The following OCA2 variants were observed in gnomAD, a reference collection of about 807,000 sequenced individuals.
The protein encoded by OCA2 is OCA2 melanosomal transmembrane protein.
OCA2 carries 77 observed loss-of-function variants against 100.2 expected under a neutral mutation model. That is an observed-to-expected ratio of 0.77 (90% confidence interval 0.64 to 0.93). The LOEUF is 0.93. Ranked by LOEUF, OCA2 falls within the 40% of genes least tolerant of loss-of-function variation. The pLI is 0.00. For missense variants in OCA2, 1,062 were observed against 1,089.1 expected, an observed-to-expected ratio of 0.98 and a Z score of 0.35; for synonymous variants, 432 against 439.2, an observed-to-expected ratio of 0.98 and a Z score of 0.21.
the OCA2 span, among the ~76,000 whole-genome samples, chr15:27,733,959 A>C: frequency 6.6e-6 from 1 of 151,940 alleles, no homozygotes; most frequent in Non-Finnish European, 1.5e-5. Flanking sequence ...CAGGAGTTCA[A>C]GACCAGCCTG....
chr15:27,789,977 G>C (rs1382654780), intron 23 of OCA2, among the ~76,000 whole-genome samples: 1 of 152,064 alleles, frequency 6.6e-6, no homozygotes, highest in East Asian at 1.9e-4. Flanking sequence ...CTTTGTCTGA[G>C]AACTATACTA....
chr15:28,097,355 C>T (rs190256195), intron 1 of OCA2, among the ~76,000 whole-genome samples: 56 of 152,362 alleles, frequency 3.7e-4, no homozygotes, highest in African/African-American at 1.2e-3. Flanking sequence ...CAACAACCAG[C>T]GAGTGAGCTG....
At chr15:27,807,773 T>C (rs2033916954) in intron 23 of OCA2, among the ~76,000 whole-genome samples, 2 of 152,206 alleles carry the variant, frequency 1.3e-5, no homozygotes, top group Admixed American at 1.3e-4. Context: ...TCCAACTTAC[T>C]GAAAAGCTCT....
chr15:27,729,234 T>A, the OCA2 span, among the ~76,000 whole-genome samples: 3 of 152,082 alleles, frequency 2.0e-5, no homozygotes, highest in Non-Finnish European at 2.9e-5. Context: ...CCTAGGTTTG[T>A]CTATTGTATC....
the OCA2 span, among the ~76,000 whole-genome samples, chr15:27,727,608 A>C: frequency 6.6e-6 from 1 of 152,222 alleles, no homozygotes; most frequent in South Asian, 2.1e-4. Flanking sequence ...CTTCCCAAAA[A>C]TACTCAGAAG....
At chr15:28,028,399 A>G (rs1225729705) in intron 3 of OCA2, among the ~76,000 whole-genome samples, 1 of 151,978 alleles carries the variant, frequency 6.6e-6, no homozygotes, top group East Asian at 1.9e-4. Flanking sequence ...CACTGCATGC[A>G]CTCCAGTAGT....
At chr15:27,868,081 C>T (rs1030730806) in intron 21 of OCA2, among the ~76,000 whole-genome samples, 21 of 152,070 alleles carry the variant, frequency 1.4e-4, no homozygotes, top group Non-Finnish European at 2.8e-4. Flanking sequence ...ACGGAGTGAC[C>T]GAAGCAGCCG....
intron 19 of OCA2, among the ~76,000 whole-genome samples, chr15:27,910,153 C>T (rs2038331914): frequency 6.6e-6 from 1 of 152,078 alleles, no homozygotes; most frequent in Non-Finnish European, 1.5e-5. Context: ...GAAAACAGCA[C>T]TGAGATACTA....
At chr15:27,947,682 C>T (rs1420454849) in intron 18 of OCA2, among the ~76,000 whole-genome samples, 2 of 152,210 alleles carry the variant, frequency 1.3e-5, no homozygotes, top group East Asian at 3.9e-4. Context: ...ACCAATGGGC[C>T]ATGCGCACCA....
At chr15:27,881,998 G>A (rs146578534) in intron 19 of OCA2, among the ~76,000 whole-genome samples, 1 of 152,284 alleles carries the variant, frequency 6.6e-6, no homozygotes, top group East Asian at 1.9e-4. Flanking sequence ...GCTTTCTGAT[G>A]TGGGCATTTG....
intron 23 of OCA2, among the ~76,000 whole-genome samples, chr15:27,816,531 G>A (rs1280677828): frequency 3.9e-5 from 6 of 152,136 alleles, no homozygotes; most frequent in African/African-American, 4.8e-5. Context: ...CCAGCTCCCC[G>A]ACAGTGAAGA....
At chr15:27,741,152 T>A in the OCA2 span, among the ~76,000 whole-genome samples, 2 of 152,160 alleles carry the variant, frequency 1.3e-5, no homozygotes, top group African/African-American at 4.8e-5. Context: ...TGTCTCTGTC[T>A]TAGATCATGA....
intron 23 of OCA2, among the ~76,000 whole-genome samples, chr15:27,761,440 G>A (rs1168884818): frequency 6.6e-6 from 1 of 150,522 alleles, no homozygotes; most frequent in African/African-American, 2.4e-5. Flanking sequence ...TCTGTGTGCT[G>A]TAAGTTACAA....
In OCA2 at chr15:27,755,235, T is replaced by G. The variant is rs1020315849; in HGVS notation, c.*153A>C. The G allele has an allele frequency of 8.9e-6, 6 of 672,910 alleles. No individual in the cohort carries two copies. In the African/African-American group the frequency reaches 1.1e-4, roughly 12 times the overall value. The allele number at this position is 672,910 out of a possible 1,614,324, so 41.7% of individuals were successfully genotyped here. ...GTTCCAACATTCGCTTGAATTAGAG[T>G]GTTAGTGTCAAGGTCTATTCCACTG... is the stretch of plus-strand genomic sequence containing the variant. On this transcript the variant is annotated 3_prime_UTR_variant, in exon 24 of 24. Coordinates refer to ENST00000354638, the MANE Select transcript of OCA2 (RefSeq NM_000275.3).
At chr15:27,933,890 G>A (rs994847717) in intron 18 of OCA2, among the ~76,000 whole-genome samples, 16 of 152,112 alleles carry the variant, frequency 1.1e-4, no homozygotes, top group Non-Finnish European at 2.1e-4. Context: ...TGACAGTGAT[G>A]TAATTAATGC....
chr15:27,760,258 A>G (rs959866611), intron 23 of OCA2, among the ~76,000 whole-genome samples: 2 of 152,018 alleles, frequency 1.3e-5, no homozygotes, highest in Admixed American at 1.3e-4. Context: ...TCAACCCTAT[A>G]AAGAAAATCA....
At chr15:27,722,832 T>TTCTCTCTCTCTTTCTCTCTCTC in the OCA2 span, among the ~76,000 whole-genome samples, 5 of 125,894 alleles carry the variant, frequency 4.0e-5, no homozygotes, top group African/African-American at 1.4e-4. Context: ...CTCTCTCTCT[T>TTCTCTCTCTCTTTCTCTCTCTC]TCTCTCTTTC....
At chr15:27,767,833 AC>A (rs2031388652) in intron 23 of OCA2, among the ~76,000 whole-genome samples, 1 of 152,188 alleles carries the variant, frequency 6.6e-6, no homozygotes, top group African/African-American at 2.4e-5. Flanking sequence ...CCCCTTCCAC[AC>A]TGTGGAAGCT....
intron 23 of OCA2, among the ~76,000 whole-genome samples, chr15:27,791,526 T>C (rs1233560521): frequency 1.3e-5 from 2 of 152,136 alleles, no homozygotes; most frequent in African/African-American, 2.4e-5. Flanking sequence ...AGGAGCAGCA[T>C]AGAGGAGTGT....
Sources: allele counts gnomAD v4.1 joint callset (sites outside exome capture counted in the v4.1 genomes callset), GRCh38; gene constraint gnomAD v4.1.1; transcripts MANE v1.5; gene names NCBI Gene and HGNC (gene_info 2026-07-23, HGNC 2026-07-21).